Variants in OPCML observed in about 807,000 individuals in gnomAD.
The protein encoded by OPCML is opioid-binding protein/cell adhesion molecule.
OPCML carries 13 observed loss-of-function variants against 37.8 expected under a neutral mutation model. That is an observed-to-expected ratio of 0.34 (90% CI 0.22 to 0.55). OPCML has a LOEUF of 0.55. Among genes scored for constraint, OPCML ranks in the 20% least tolerant of loss-of-function variants. The probability of loss-of-function intolerance (pLI) is 0.91; values close to 1 mark genes in which losing one functional copy is unlikely to be tolerated. For missense variants in OPCML, 341 were observed against 435.6 expected (o/e 0.78, Z 1.93); for synonymous variants, 176 against 168.8 (o/e 1.04, Z -0.33).
chr11:133,141,415 A>G (rs901249017), intron 1 of OPCML, among the ~76,000 whole-genome samples: 2 of 152,140 alleles, frequency 1.3e-5, no homozygotes, highest in Non-Finnish European at 2.9e-5. Flanking sequence ...GCTCCACAAA[A>G]TAGTCTTCAT....
At chr11:133,291,967 C>T (rs1942490604) in intron 1 of OPCML, among the ~76,000 whole-genome samples, 1 of 152,230 alleles carries the variant, frequency 6.6e-6, no homozygotes, top group Admixed American at 6.5e-5. Flanking sequence ...GTAGATTACA[C>T]AAGAGAATGG....
At chr11:132,867,298 T>C (rs1456191094) in intron 2 of OPCML, among the ~76,000 whole-genome samples, 2 of 152,192 alleles carry the variant, frequency 1.3e-5, no homozygotes, top group Admixed American at 1.3e-4. Context: ...AATGACAAGA[T>C]GTTTCCTCTG....
At chr11:132,445,168 T>C (rs1171275246) in intron 4 of OPCML, among the ~76,000 whole-genome samples, 1 of 152,178 alleles carries the variant, frequency 6.6e-6, no homozygotes, top group South Asian at 2.1e-4. Context: ...ACAAGATCAA[T>C]GTGTTACTGT....
intron 1 of OPCML, among the ~76,000 whole-genome samples, chr11:133,335,064 C>A (rs1321026035): frequency 6.6e-6 from 1 of 152,190 alleles, no homozygotes; most frequent in South Asian, 2.1e-4. Context: ...CTGTCCCATG[C>A]CTGTGTTTAG....
rs530861739 is a variant in OPCML, at chr11:133,049,552, C to G, written c.62-106542G>C. ...TATTTGAATGTTAAAAAATCCAAAGCAAAGCAAAACAAAAGAGAAGTTGAT... is the reference window on the plus strand; with the variant it reads ...TATTTGAATGTTAAAAAATCCAAAGGAAAGCAAAACAAAAGAGAAGTTGAT... On this transcript the variant is annotated intron_variant, in intron 1 of 7. Transcript: ENST00000524381. Among the ~76,000 whole-genome samples the G allele has an allele frequency of 6.6e-5, 10 of 152,278 alleles. No homozygotes were observed. The South Asian group carries it at 2.1e-3, about 32-fold the overall frequency.
intron 2 of OPCML, among the ~76,000 whole-genome samples, chr11:132,815,880 A>C (rs10750513): frequency 0.46 from 69,227 of 152,144 alleles, 16,054 homozygotes; most frequent in East Asian, 0.6. Context: ...CAGATAGAGA[A>C]ATGTGTCTTG....
At chr11:133,005,052 C>A (rs929280294) in intron 1 of OPCML, 9 of 985,258 alleles carry the variant, frequency 9.1e-6, no homozygotes, top group Non-Finnish European at 1.1e-5. Context: ...GCCTGGGAAG[C>A]TTTCATGAAT....
chr11:133,440,355 C>T (rs1335791038), intron 1 of OPCML, among the ~76,000 whole-genome samples: 41 of 148,508 alleles, frequency 2.8e-4, no homozygotes, highest in African/African-American at 9.5e-4. Context: ...GCCAAGATCG[C>T]GCCATTGCAC....
chr11:132,453,519 G>A (rs185479214), intron 4 of OPCML, among the ~76,000 whole-genome samples: 4 of 152,244 alleles, frequency 2.6e-5, no homozygotes, highest in Admixed American at 1.3e-4. Flanking sequence ...TACAAAGAAC[G>A]AGTGAGTCCA....
chr11:132,788,833 T>C (rs1035909945), intron 2 of OPCML, among the ~76,000 whole-genome samples: 11 of 152,352 alleles, frequency 7.2e-5, no homozygotes, highest in African/African-American at 2.4e-4. Flanking sequence ...GTCCAGGTTA[T>C]ATTCTACTGC....
intron 1 of OPCML, among the ~76,000 whole-genome samples, chr11:133,087,627 G>A (rs760706717): frequency 6.6e-6 from 1 of 152,238 alleles, no homozygotes; most frequent in East Asian, 1.9e-4. Flanking sequence ...ACCCGAGAGA[G>A]ATATTTAGCC....
chr11:133,324,078 G>A (rs945732796), intron 1 of OPCML, among the ~76,000 whole-genome samples: 3 of 152,090 alleles, frequency 2.0e-5, no homozygotes, highest in African/African-American at 4.8e-5. Flanking sequence ...CCCCACATTC[G>A]GAGTTGGCAG....
rs58078259 is a variant in OPCML, at chr11:132,902,373, T to A, written c.146+40553A>T. Among the ~76,000 whole-genome samples the A allele has an allele frequency of 8.2e-3, 1,253 of 152,166 alleles. 12 individuals carry two copies. Among genetic ancestry groups the A allele is most frequent in the African/African-American group, 0.029 (1,197 of 41,508 alleles). On this transcript the variant is annotated intron_variant, in intron 2 of 7. Transcript: ENST00000524381. ...AAAACTTCCTGAGGGCTTCTGTGAG[T>A]AAGACACCCTGTGTGACGTGCTCAG...
chr11:133,448,694 G>A (rs182948302), intron 1 of OPCML, among the ~76,000 whole-genome samples: 198 of 152,244 alleles, frequency 1.3e-3, no homozygotes, highest in African/African-American at 4.6e-3. Context: ...CAGACCTCAG[G>A]TGATCGCCCG....
At chr11:133,508,231 G>T (rs371586043) in intron 1 of OPCML, among the ~76,000 whole-genome samples, 1 of 152,072 alleles carries the variant, frequency 6.6e-6, no homozygotes, top group East Asian at 1.9e-4. Flanking sequence ...GCCAGGAAAG[G>T]CTACTTGGAA....
At chr11:133,006,946 T>C (rs936003767) in intron 1 of OPCML, 1 of 985,468 alleles carries the variant, frequency 1.0e-6, no homozygotes, top group Non-Finnish European at 1.2e-6. Context: ...GAGGCCTACC[T>C]AATAAATGTC....
intron 1 of OPCML, chr11:133,421,141 C>T (rs1945877589): frequency 2.0e-6 from 2 of 985,404 alleles, no homozygotes; most frequent in Non-Finnish European, 2.4e-6. Context: ...CTCTATTTAA[C>T]TCTGTTGAAT....
At chr11:133,248,607 C>T (rs1380844863) in intron 1 of OPCML, among the ~76,000 whole-genome samples, 1 of 152,202 alleles carries the variant, frequency 6.6e-6, no homozygotes, top group Non-Finnish European at 1.5e-5. Flanking sequence ...GATGGCGTGG[C>T]TGCTCAGCAT....
chr11:132,928,560 C>T (rs1454192144), intron 2 of OPCML, among the ~76,000 whole-genome samples: 1 of 151,852 alleles, frequency 6.6e-6, no homozygotes, highest in Non-Finnish European at 1.5e-5. Flanking sequence ...ATAGATATAA[C>T]AAACAGACAT....
Sources: gnomAD v4.1 joint callset for allele counts (sites outside exome capture counted in the v4.1 genomes callset) on GRCh38, gnomAD v4.1.1 for gene constraint, MANE v1.5 for transcripts, NCBI Gene and HGNC (gene_info 2026-07-23, HGNC 2026-07-21) for gene names.